The following ZNF48 variants were observed in gnomAD, a reference collection of about 807,000 sequenced individuals.
ZNF48 encodes the protein zinc finger protein 48.
Under a neutral mutation model 40.0 loss-of-function variants are expected in ZNF48, and 20 were observed. The observed-to-expected ratio is 0.50, with a 90% CI of 0.35 to 0.73. The LOEUF (loss-of-function observed/expected upper bound fraction) is 0.73, where lower values mean the gene tolerates loss of function less well. Ranked by LOEUF, ZNF48 falls within the 30% of genes least tolerant of loss-of-function variation. The pLI is 0.01. For synonymous variants in ZNF48, 298 were observed against 329.7 expected, an observed-to-expected ratio of 0.90 and a Z score of 1.04; for missense variants, 726 against 851.9, an observed-to-expected ratio of 0.85 and a Z score of 1.84.
chr16:30,398,285 C>T lies in ZNF48; in HGVS notation c.1035C>T (p.Ala345=). ...GCAAAGGTTTCGCGGACAGCTCCGCCCGAGTCAAACACCTCCGCACCCACA... is the reference window on the plus strand; with the variant it reads ...GCAAAGGTTTCGCGGACAGCTCCGCTCGAGTCAAACACCTCCGCACCCACA... ...ECGKGFADSS[A]RVKHLRTHSG... Residue 345 remains alanine (A), a synonymous_variant, in exon 3 of 3, where the codon GCC becomes GCT. Coordinates refer to ENST00000613509, the MANE Select transcript of ZNF48 (RefSeq NM_001214909.2). The surrounding 1 kb of genome is among the most constrained non-coding windows in gnomAD (Gnocchi z 6.6). The T allele has an allele frequency of 6.2e-7, 1 of 1,613,530 alleles. No homozygotes were observed. The highest frequency in any genetic ancestry group is 8.5e-7 in the Non-Finnish European group (1 of 1,180,024).
chr16:30,395,154 C>G (rs541614500), upstream of ZNF48: 565 of 451,432 alleles, frequency 1.3e-3, 4 homozygotes, highest in African/African-American at 1.0e-2. The surrounding 1 kb of genome is among the most constrained non-coding windows in gnomAD (Gnocchi z 5.9). Context: ...CGCTGTCGGC[C>G]GGCCGGGGAG....
At chr16:30,385,848 G>T (rs573089710) in intron 1 of ZNF48, among the ~76,000 whole-genome samples, 24 of 152,016 alleles carry the variant, frequency 1.6e-4, no homozygotes, top group African/African-American at 5.8e-4. Flanking sequence ...AAAAAATGTT[G>T]GGCGTGGTGG....
At chr16:30,390,940 T>C (rs530749896), upstream of ZNF48, among the ~76,000 whole-genome samples, 6 of 149,054 alleles carry the variant, frequency 4.0e-5, no homozygotes, top group East Asian at 1.0e-3. Flanking sequence ...AGGGTTTCAA[T>C]GTGTTAGCCA....
chr16:30,382,296 C>G lies in ZNF48; in HGVS notation c.-16+3886C>G. The G allele has an allele frequency of 1.2e-6, 2 of 1,613,878 alleles. No homozygotes were observed. Among genetic ancestry groups the G allele is most frequent in the Non-Finnish European group, 1.7e-6 (2 of 1,179,828 alleles). On this transcript the variant is annotated intron_variant, in intron 1 of 2. Transcript: ENST00000528032. The surrounding 1 kb of genome is among the most constrained non-coding windows in gnomAD (Gnocchi z 4.8). ...AGACCTGCCACCATTAGCGTGAAGTCAAACCCCTTCTTGACAGACTTGCGG... is the reference window on the plus strand; with the variant it reads ...AGACCTGCCACCATTAGCGTGAAGTGAAACCCCTTCTTGACAGACTTGCGG...
upstream of ZNF48, among the ~76,000 whole-genome samples, chr16:30,390,826 G>A (rs557605052): frequency 3.3e-5 from 5 of 151,692 alleles, no homozygotes; most frequent in South Asian, 1.0e-3. Context: ...GGGTTTCACC[G>A]TGTTAGCCAG....
chr16:30,384,493 C>A (rs1483741026), intron 1 of ZNF48, among the ~76,000 whole-genome samples: 1 of 152,108 alleles, frequency 6.6e-6, no homozygotes, highest in Non-Finnish European at 1.5e-5. Context: ...CACTGCACTC[C>A]AGCCTGGTGA....
chr16:30,389,826 T>G (rs1327493415), intron 1 of ZNF48, among the ~76,000 whole-genome samples: 4 of 101,892 alleles, frequency 3.9e-5, no homozygotes, highest in Non-Finnish European at 5.5e-5. Context: ...GTTTTTTTTT[T>G]TTTTTTTTTT....
chr16:30,393,544 C>T (rs2049957517), upstream of ZNF48, among the ~76,000 whole-genome samples: 1 of 151,402 alleles, frequency 6.6e-6, no homozygotes, highest in Non-Finnish European at 1.5e-5. Context: ...GCCACCACGC[C>T]CTGCTAAGTT....
chr16:30,398,869 G>T lies in ZNF48; in HGVS notation c.1619G>T (p.Ser540Ile), dbSNP rs1458445220. The change falls in exon 3 of 3, where the codon AGC becomes ATC. Residue 540 changes from serine (S) to isoleucine (I), a missense_variant. Around this residue, in one of 5 missense-constraint regions of ZNF48, gnomAD observed 166 missense variants for 163.6 expected, o/e 1.01. Coordinates refer to ENST00000613509, the MANE Select transcript of ZNF48 (RefSeq NM_001214909.2). This position sits in a 1 kb window ranked among gnomAD's most constrained non-coding sequence, Gnocchi z 6.6. ...GTTCGGGCCCAGCCTTCTGGACCCAGCCAGCCCCACGTGTGTGGCTTCTGT... is the reference window on the plus strand; with the variant it reads ...GTTCGGGCCCAGCCTTCTGGACCCATCCAGCCCCACGTGTGTGGCTTCTGT... ...PRVRAQPSGP[S>I]QPHVCGFCGK... is the part of the protein sequence containing the mutation. The T allele has an allele frequency of 1.2e-6, 2 of 1,613,938 alleles. No homozygotes were observed. The highest frequency in any genetic ancestry group is 8.5e-7 in the Non-Finnish European group (1 of 1,179,994).
chr16:30,378,985 G>T, intron 1 of ZNF48: 1 of 1,597,398 alleles, frequency 6.3e-7, no homozygotes, highest in Non-Finnish European at 8.5e-7. Context: ...GCGGGACCTT[G>T]GAGGCTCTGA....
At position 30,398,282 on chromosome 16, in the gene ZNF48, C is replaced by T. The variant is rs149109031; in HGVS notation, c.1032C>T (p.Ser344=). 2,413 of 1,613,026 alleles carry T rather than the reference C, an allele frequency of 1.5e-3. 49 individuals carry two copies. The African/African-American group carries it at 0.029, about 19-fold the overall frequency. ...PECGKGFADS[S]ARVKHLRTHS... is the part of the protein sequence containing the mutation. ...GCGGCAAAGGTTTCGCGGACAGCTC[C>T]GCCCGAGTCAAACACCTCCGCACCC... Residue 344 remains serine, a synonymous_variant, in exon 3 of 3, where the codon TCC becomes TCT. Coordinates refer to ENST00000613509, the MANE Select transcript of ZNF48 (RefSeq NM_001214909.2). This position sits in a 1 kb window ranked among gnomAD's most constrained non-coding sequence, Gnocchi z 6.6.
chr16:30,378,342 G>A lies in ZNF48; in HGVS notation c.-84G>A, dbSNP rs542181711. Reference sequence around the variant, plus strand: ...CCGCGCGAGGGCGGCACCCGCGGAGGTCCCGGGGGGCGCTGGGCAGTGTGG... The same window carrying A: ...CCGCGCGAGGGCGGCACCCGCGGAGATCCCGGGGGGCGCTGGGCAGTGTGG... On this transcript the variant is annotated 5_prime_UTR_variant, in exon 1 of 3. Transcript: ENST00000528032. 9.6e-6 allele frequency: 12 copies of A among 1,252,906 alleles called. No homozygotes were observed. The East Asian group carries it at 2.8e-4, about 30-fold the overall frequency. 77.6% of individuals were successfully genotyped at this position (1,252,906 alleles called of 1,614,324 possible). A position where few individuals can be genotyped will look rare whatever the true frequency, so the allele number is the denominator to read the frequency against.
intron 1 of ZNF48, chr16:30,380,794 G>C: frequency 3.0e-6 from 1 of 330,276 alleles, no homozygotes; most frequent in Non-Finnish European, 5.7e-6. Flanking sequence ...GAGAAAGAGA[G>C]GCCGAGAGAG....
chr16:30,389,994 T>A (rs2049930928), intron 1 of ZNF48, among the ~76,000 whole-genome samples: 1 of 151,880 alleles, frequency 6.6e-6, no homozygotes. Context: ...TGGCTAATTC[T>A]TTTTTCTTTT....
chr16:30,398,070 C>A lies in ZNF48; in HGVS notation c.820C>A (p.Pro274Thr), dbSNP rs1228770399. 6.2e-7 allele frequency: 1 copy of A among 1,612,986 alleles called. No homozygotes were observed. Among genetic ancestry groups the A allele is most frequent in the African/African-American group, 1.3e-5 (1 of 74,932 alleles). ...ATQGPKAQDK[P>T]YICTDCGKRF... is the part of the protein sequence containing the mutation. ...CCAGGGACCGAAGGCCCAGGACAAG[C>A]CATATATCTGCACTGATTGCGGCAA... Residue 274 changes from proline (P) to threonine (T), a missense_variant, in exon 3 of 3, where the codon CCA becomes ACA. Around this residue, in one of 5 missense-constraint regions of ZNF48, gnomAD observed 378 missense variants for 449.1 expected, o/e 0.84. Transcript: ENST00000613509. The surrounding 1 kb of genome is among the most constrained non-coding windows in gnomAD (Gnocchi z 6.6).
chr16:30,390,082 A>G (rs956582804), intron 1 of ZNF48, among the ~76,000 whole-genome samples: 12 of 151,738 alleles, frequency 7.9e-5, no homozygotes, highest in African/African-American at 2.9e-4. Context: ...TGGCCTCCCA[A>G]AGCACTAGGA....
chr16:30,382,018 G>A lies in ZNF48; in HGVS notation c.-16+3608G>A. On this transcript the variant is annotated intron_variant, in intron 1 of 2. Coordinates refer to the ZNF48 transcript ENST00000528032. The surrounding 1 kb of genome is among the most constrained non-coding windows in gnomAD (Gnocchi z 4.8). ...AGAAAAAAAGCAGTCAACTACCTGA[G>A]TCCCCAGATGGAAAAGACTAGGGTG... 1.3e-6 allele frequency: 2 copies of A among 1,597,356 alleles called. No individual in the cohort carries two copies. Among genetic ancestry groups the A allele is most frequent in the Admixed American group, 3.4e-5 (2 of 58,636 alleles).
chr16:30,395,889 G>T lies in ZNF48; in HGVS notation c.79+16G>T, dbSNP rs771750560. The T allele has an allele frequency of 4.2e-5, 63 of 1,515,240 alleles. No individual in the cohort carries two copies. The highest frequency in any genetic ancestry group is 5.1e-5 in the Non-Finnish European group (58 of 1,133,088). 93.9% of individuals were successfully genotyped at this position (1,515,240 alleles called of 1,614,324 possible). A position where few individuals can be genotyped will look rare whatever the true frequency, so the allele number is the denominator to read the frequency against. Reference sequence around the variant, plus strand: ...GCCCGCACAGGTGAGGGCCTCGGCCGTGCGCCGCCACGGACAGGTAACGGC... The same window carrying T: ...GCCCGCACAGGTGAGGGCCTCGGCCTTGCGCCGCCACGGACAGGTAACGGC... On this transcript the variant is annotated intron_variant, in intron 2 of 2. Coordinates refer to ENST00000613509, the MANE Select transcript of ZNF48 (RefSeq NM_001214909.2). This position sits in a 1 kb window ranked among gnomAD's most constrained non-coding sequence, Gnocchi z 5.9.
At chr16:30,383,985 G>C (rs1045744200) in intron 1 of ZNF48, among the ~76,000 whole-genome samples, 1 of 152,208 alleles carries the variant, frequency 6.6e-6, no homozygotes, top group African/African-American at 2.4e-5. Context: ...GGGAGGCCGA[G>C]GCGGGTGGAT....
Sources: allele counts gnomAD v4.1 joint callset (sites outside exome capture counted in the v4.1 genomes callset), GRCh38; gene constraint gnomAD v4.1.1; regional missense constraint gnomAD v4.1.1; non-coding constraint Gnocchi (gnomAD v3.1); transcripts MANE v1.5; gene names NCBI Gene and HGNC (gene_info 2026-07-23, HGNC 2026-07-21).